The following LTBP1 variants were observed in gnomAD, a reference collection of about 807,000 sequenced individuals.
LTBP1 encodes latent-transforming growth factor beta-binding protein 1.
LTBP1 carries 129 observed loss-of-function variants against 207.6 expected under a neutral mutation model. The ratio of observed to expected loss-of-function variants is 0.62; its 90% CI spans 0.54 to 0.72. The LOEUF is 0.72. LTBP1 is among the 30% of genes least tolerant of loss of function. The pLI, the probability that LTBP1 is intolerant of heterozygous loss-of-function variation, is 0.00. For missense variants in LTBP1, 2,281 were observed against 2,217.2 expected, an observed-to-expected ratio of 1.03 and a Z score of -0.58; for synonymous variants, 963 against 833.7, an observed-to-expected ratio of 1.16 and a Z score of -2.67.
intron 24 of LTBP1, among the ~76,000 whole-genome samples, chr2:33,329,044 G>A (rs987296062): frequency 5.9e-5 from 9 of 152,140 alleles, no homozygotes; most frequent in Non-Finnish European, 1.2e-4. Flanking sequence ...TCACTAAGAA[G>A]TATAATTTCT....
At chr2:33,005,124 G>A (rs1686644347) in intron 2 of LTBP1, among the ~76,000 whole-genome samples, 4 of 152,216 alleles carry the variant, frequency 2.6e-5, no homozygotes, top group African/African-American at 7.2e-5. Flanking sequence ...GCCCTGGAAT[G>A]AAGTGAAGTG....
rs577349690 is a variant in LTBP1 at position 33,023,244 on chromosome 2, T to G, written c.863+2038T>G. ...CTAGCATTATGACTTACATAAACTG[T>G]AAAGTAATTTACAAGCAACATTATT... On this transcript the variant is annotated intron_variant, in intron 3 of 33. Coordinates refer to ENST00000404816, the MANE Select transcript of LTBP1 (RefSeq NM_206943.4). Among the ~76,000 whole-genome samples the G allele has an allele frequency of 3.3e-5, 5 of 152,380 alleles. No homozygotes were observed. In the East Asian group the frequency reaches 9.6e-4, roughly 29 times the overall value.
At position 33,399,455 on chromosome 2, in the gene LTBP1, G is replaced by A. The variant is rs747411907; in HGVS notation, c.*910G>A. 3.3e-5 allele frequency: 5 copies of A among 152,182 alleles called. No homozygotes were observed. The highest frequency in any genetic ancestry group is 7.4e-5 in the Non-Finnish European group (5 of 68,026). The allele number at this position is 152,182 out of a possible 1,614,324, so 9.4% of individuals were successfully genotyped here. A position where few individuals can be genotyped will look rare whatever the true frequency, so the allele number is the denominator to read the frequency against. The stretch of plus-strand genomic sequence containing the variant: ...TCTTTTCCAGTGGTCTTCTGTTAAT[G>A]TAGTGTCTTTTACAAGTTAATCATT... On this transcript the variant is annotated 3_prime_UTR_variant, in exon 34 of 34. Transcript: ENST00000404816.
At chr2:33,135,844 G>A (rs1280707596) in intron 5 of LTBP1, among the ~76,000 whole-genome samples, 1 of 152,030 alleles carries the variant, frequency 6.6e-6, no homozygotes, top group East Asian at 1.9e-4. Flanking sequence ...TCAAATAATC[G>A]CAGACACCCA....
At chr2:33,161,132 C>T (rs978342986) in intron 5 of LTBP1, among the ~76,000 whole-genome samples, 6 of 151,906 alleles carry the variant, frequency 3.9e-5, no homozygotes, top group South Asian at 2.1e-4. Flanking sequence ...TGGTGTAAAG[C>T]GATGTCATTC....
rs948327608 is a variant in LTBP1, at chr2:33,125,448, C to A, written c.1034-9345C>A. On this transcript the variant is annotated intron_variant, in intron 4 of 33. Transcript: ENST00000404816. ...AGTATCGTCCATAATTTCTGTTGTT[C>A]TCAGAATTTGGGCCAAAAAAAAGCA... Among the ~76,000 whole-genome samples the A allele has an allele frequency of 8.5e-4, 129 of 152,104 alleles. 1 individual carries two copies. The highest frequency in any genetic ancestry group is 3.1e-3 in the African/African-American group (129 of 41,462).
chr2:33,071,913 C>T (rs796673731), intron 3 of LTBP1, among the ~76,000 whole-genome samples: 3 of 152,304 alleles, frequency 2.0e-5, no homozygotes, highest in Non-Finnish European at 2.9e-5. Context: ...TTTCTGCCCA[C>T]CAGCAAGCAA....
Position 33,347,461 on chromosome 2 carries a change from C to G in LTBP1, c.3951C>G (p.Asn1317Lys). Residue 1317 changes from asparagine to lysine, a missense_variant, in exon 26 of 34, where the codon AAC (asparagine) becomes AAG (lysine). This residue lies in a region of LTBP1 where 1,671 missense variants were observed against 1,634.8 expected (regional missense o/e 1.02). Transcript: ENST00000404816. ...TCCTGTGCGTGTGTGCTGATGAAAA[C>G]CAAGAGTACAGCCCCATGACTGGGC... ...GSFLCVCADE[N>K]QEYSPMTGQC... is the part of the protein sequence containing the mutation. 1 of 1,614,198 alleles carries G rather than the reference C, an allele frequency of 6.2e-7. No individual in the cohort carries two copies. Among genetic ancestry groups the G allele is most frequent in the South Asian group, 1.1e-5 (1 of 91,080 alleles).
At chr2:33,005,672 C>G (rs577640433) in intron 2 of LTBP1, among the ~76,000 whole-genome samples, 4 of 151,510 alleles carry the variant, frequency 2.6e-5, no homozygotes, top group Admixed American at 2.6e-4. Context: ...CTGCAACCTC[C>G]GCTTCCCAGG....
At position 33,030,962 on chromosome 2, in the gene LTBP1, C is replaced by G. The variant is rs190294073; in HGVS notation, c.863+9756C>G. On this transcript the variant is annotated intron_variant, in intron 3 of 33. Transcript: ENST00000404816. ...TGTGGATAACTAACATCTTCACACC[C>G]TTTTCTGTTACATGTGCTTATAATT... Among the ~76,000 whole-genome samples the G allele has an allele frequency of 3.6e-3, 546 of 152,168 alleles. 5 individuals carry two copies. The highest frequency in any genetic ancestry group is 0.02 in the Middle Eastern group (6 of 294).
At chr2:32,993,235 T>C (rs4952329) in intron 2 of LTBP1, among the ~76,000 whole-genome samples, 42,143 of 151,622 alleles carry the variant, frequency 0.28, 6,107 homozygotes, top group Admixed American at 0.33. Flanking sequence ...GGCGTGGGTA[T>C]GTGGAAAGCA....
At chr2:33,262,201 T>C (rs182531414) in intron 13 of LTBP1, among the ~76,000 whole-genome samples, 4 of 152,360 alleles carry the variant, frequency 2.6e-5, no homozygotes, top group Admixed American at 6.5e-5. Context: ...AGTTGTAAAG[T>C]TATCAGACGT....
At chr2:33,161,524 T>C (rs1572917249) in intron 5 of LTBP1, among the ~76,000 whole-genome samples, 1 of 152,106 alleles carries the variant, frequency 6.6e-6, no homozygotes, top group Admixed American at 6.5e-5. Flanking sequence ...GCCTCAGCCT[T>C]CCAAAGTGTT....
intron 13 of LTBP1, among the ~76,000 whole-genome samples, chr2:33,260,514 GTTATT>G (rs2092980845): frequency 6.6e-6 from 1 of 152,068 alleles, no homozygotes; most frequent in South Asian, 2.1e-4. Flanking sequence ...ACATACATGA[GTTATT>G]TTAAATAGTA....
At chr2:32,952,509 A>T (rs573169323) in intron 2 of LTBP1, among the ~76,000 whole-genome samples, 1 of 152,338 alleles carries the variant, frequency 6.6e-6, no homozygotes, top group South Asian at 2.1e-4. Context: ...AAAGAGATGG[A>T]GAGATGGACC....
At chr2:33,021,860 A>G (rs1573139894) in intron 3 of LTBP1, among the ~76,000 whole-genome samples, 1 of 152,140 alleles carries the variant, frequency 6.6e-6, no homozygotes, top group Non-Finnish European at 1.5e-5. Context: ...AAGAAAGATT[A>G]CCCCGTTCTC....
chr2:33,322,561 T>C (rs148733084), intron 24 of LTBP1, among the ~76,000 whole-genome samples: 7 of 152,310 alleles, frequency 4.6e-5, no homozygotes, highest in African/African-American at 1.4e-4. Flanking sequence ...ATTAAAACAG[T>C]AGCAAGAATA....
At chr2:32,978,324 G>A (rs1682151591) in intron 2 of LTBP1, among the ~76,000 whole-genome samples, 2 of 152,100 alleles carry the variant, frequency 1.3e-5, no homozygotes, top group Admixed American at 1.3e-4. Context: ...TGATACTAGT[G>A]TGGGTCTATC....
chr2:33,307,675 A>G (rs2094120455), intron 22 of LTBP1, among the ~76,000 whole-genome samples: 1 of 152,246 alleles, frequency 6.6e-6, no homozygotes, highest in African/African-American at 2.4e-5. Flanking sequence ...TATGTACATT[A>G]TACTTCAGTA....
Sources: allele counts gnomAD v4.1 joint callset (sites outside exome capture counted in the v4.1 genomes callset), GRCh38; gene constraint gnomAD v4.1.1; regional missense constraint gnomAD v4.1.1; transcripts MANE v1.5; gene names NCBI Gene and HGNC (gene_info 2026-07-23, HGNC 2026-07-21).